Variants in ADGRL1 observed in about 807,000 individuals in gnomAD.
ADGRL1 encodes the protein CIRL-1.
ADGRL1 carries 31 observed loss-of-function variants against 148.9 expected under a neutral mutation model. That is an observed-to-expected ratio of 0.21 (90% confidence interval 0.16 to 0.28). The LOEUF (loss-of-function observed/expected upper bound fraction) is 0.28, where lower values mean the gene tolerates loss of function less well. ADGRL1 is among the 10% of genes least tolerant of loss of function. The pLI is 1.00. For synonymous variants in ADGRL1, 937 were observed against 900.3 expected, an observed-to-expected ratio of 1.04 and a Z score of -0.73; for missense variants, 1,521 against 2,058.8, an observed-to-expected ratio of 0.74 and a Z score of 5.05.
chr19:14,191,824 T>C (rs986082288), intron 1 of ADGRL1, among the ~76,000 whole-genome samples: 1 of 151,800 alleles, frequency 6.6e-6, no homozygotes, highest in Non-Finnish European at 1.5e-5. Context: ...GCCTCCTGAG[T>C]AGCTGGGGCT....
At position 14,163,306 on chromosome 19, in the gene ADGRL1, C is replaced by T. The variant is rs765071934; in HGVS notation, c.495G>A (p.Ala165=). 4.3e-6 allele frequency: 7 copies of T among 1,613,450 alleles called. No individual in the cohort carries two copies. The highest frequency in any genetic ancestry group is 4.2e-6 in the Non-Finnish European group (5 of 1,179,954). The change falls in exon 5 of 23, where the codon GCG becomes GCA. Residue 165 remains alanine (A), a synonymous_variant. Coordinates refer to ENST00000361434, the MANE Select transcript of ADGRL1 (RefSeq NM_014921.5). ...SGAWCKDPLQ[A]GDRIYVMPWI... Reference sequence around the variant, plus strand: ...AGGGCATCACGTAGATGCGGTCACCCGCCTGCAGCGGGTCCTTGCACCATG... The same window carrying T: ...AGGGCATCACGTAGATGCGGTCACCTGCCTGCAGCGGGTCCTTGCACCATG...
chr19:14,166,269 G>C (rs1378928619), intron 4 of ADGRL1, among the ~76,000 whole-genome samples: 5 of 146,626 alleles, frequency 3.4e-5, no homozygotes, highest in South Asian at 2.1e-4. Flanking sequence ...TTTTTTGGCA[G>C]GCTGCCCCCT....
At chr19:14,158,692 C>G in intron 11 of ADGRL1, 140 bp from the exon 12 acceptor site, 1 of 676,174 alleles carries the variant, frequency 1.5e-6, no homozygotes, top group Non-Finnish European at 2.5e-6. Flanking sequence ...AGTCCATAGC[C>G]CAGGCAGGTG....
chr19:14,201,277 G>A (rs2145178122), intron 1 of ADGRL1, among the ~76,000 whole-genome samples: 2 of 148,206 alleles, frequency 1.3e-5, no homozygotes, highest in African/African-American at 5.0e-5. Flanking sequence ...CTGAGGGAGG[G>A]GCACTGGCTA....
At chr19:14,169,156 T>C (rs1599447324) in intron 4 of ADGRL1, 1 of 152,384 alleles carries the variant, frequency 6.6e-6, no homozygotes, top group South Asian at 2.1e-4. Context: ...GTCTGGGCGC[T>C]GGGGCGGCGG....
rs1417842131 is a variant in ADGRL1, at chr19:14,155,111, TCTG to T, written c.3294+245_3294+247del. 1.5e-5 allele frequency: 5 copies of T among 324,268 alleles called. No individual in the cohort carries two copies. Among genetic ancestry groups the T allele is most frequent in the Non-Finnish European group, 2.9e-5 (5 of 172,396 alleles). 20.1% of individuals were successfully genotyped at this position (324,268 alleles called of 1,614,324 possible). ...GAGGGTTCCCCATTACCAAATCTGT[TCTG>T]CTCTCACTCCTCTAAGTTGCTGTAT... On this transcript the variant is annotated intron_variant, in intron 18 of 22. Coordinates refer to ENST00000361434, the MANE Select transcript of ADGRL1 (RefSeq NM_014921.5). This position sits in a 1 kb window ranked among gnomAD's most constrained non-coding sequence, Gnocchi z 5.0.
Position 14,170,747 on chromosome 19 carries a change from G to A in ADGRL1, c.329C>T (p.Ala110Val). Residue 110 changes from alanine (A) to valine (V), a missense_variant, in exon 4 of 23, where the codon GCC becomes GTC. This residue lies in a region of ADGRL1 where 334 missense variants were observed against 512.5 expected (regional missense o/e 0.65). Transcript: ENST00000361434. The part of the protein sequence containing the change: ...TQCVVVAGSD[A>V]FPDPCPGTYK... ...GGTCCCAGGACAGGGGTCAGGAAAG[G>A]CATCCGAGCCGGCGACCACCACGCA... The A allele has an allele frequency of 6.2e-7, 1 of 1,612,704 alleles. No individual in the cohort carries two copies. Among genetic ancestry groups the A allele is most frequent in the African/African-American group, 1.3e-5 (1 of 74,852 alleles).
chr19:14,151,148 G>A lies in ADGRL1; in HGVS notation c.4135C>T (p.Leu1379Phe), dbSNP rs751270255. 13 of 1,602,356 alleles carry A rather than the reference G, an allele frequency of 8.1e-6. No homozygotes were observed. The South Asian group carries it at 1.3e-4, about 17-fold the overall frequency. Residue 1379 changes from leucine (L) to phenylalanine (F), a missense_variant, in exon 23 of 23, where the codon CTC (leucine) becomes TTC (phenylalanine). Leu to Phe is a conservative substitution (Grantham distance 22). Around this residue, in one of 8 missense-constraint regions of ADGRL1, gnomAD observed 390 missense variants for 375.0 expected, o/e 1.04. Transcript: ENST00000361434. ...CGCAGGTTGGCCCCGCTGGCATAGAGGGAGTCCCGGCCAGGAGGGGAGGAG... is the reference window on the plus strand; with the variant it reads ...CGCAGGTTGGCCCCGCTGGCATAGAAGGAGTCCCGGCCAGGAGGGGAGGAG... ...PLSSPPGRDS[L>F]YASGANLRDS...
At chr19:14,194,465 C>T (rs111727767) in intron 1 of ADGRL1, among the ~76,000 whole-genome samples, 11,922 of 152,316 alleles carry the variant, frequency 0.078, 623 homozygotes, top group Non-Finnish European at 0.12. Flanking sequence ...GGGACAGTGA[C>T]GGACAGCTCC....
chr19:14,163,481 AGAGAG>A, intron 4 of ADGRL1, 75 bp from the exon 5 acceptor site: 2 of 1,082,700 alleles, frequency 1.8e-6, no homozygotes, highest in Non-Finnish European at 2.6e-6. Flanking sequence ...AGAGAGAGAG[AGAGAG>A]AGAGAGAGAG....
Position 14,152,931 on chromosome 19 carries a change from T to A in ADGRL1, c.3295-19A>T, listed in dbSNP as rs776699260. On this transcript the variant is annotated intron_variant, in intron 18 of 22. Coordinates refer to ENST00000361434, the MANE Select transcript of ADGRL1 (RefSeq NM_014921.5). The surrounding 1 kb of genome is among the most constrained non-coding windows in gnomAD (Gnocchi z 6.1). The stretch of plus-strand genomic sequence containing the variant: ...TGTGCACCTGGGAGGTGGAGGACAG[T>A]CAGCTGGCTGGGACACTGGCCTCCT... 2 of 1,612,356 alleles carry A rather than the reference T, an allele frequency of 1.2e-6. No individual in the cohort carries two copies. Among genetic ancestry groups the A allele is most frequent in the African/African-American group, 2.7e-5 (2 of 74,882 alleles).
chr19:14,170,520 T>C (rs955448673), intron 4 of ADGRL1, 162 bp downstream of exon 4: 1 of 565,176 alleles, frequency 1.8e-6, no homozygotes, highest in Non-Finnish European at 3.2e-6. Context: ...TGGACACTGG[T>C]GTCTGGGATT....
intron 1 of ADGRL1, among the ~76,000 whole-genome samples, chr19:14,203,771 C>A (rs1259138855): frequency 6.6e-6 from 1 of 152,186 alleles, no homozygotes; most frequent in African/African-American, 2.4e-5. Flanking sequence ...CAAGCCTGGG[C>A]GCCAGCTACA....
Position 14,156,201 on chromosome 19 carries a change from C to T in ADGRL1, c.3034G>A (p.Val1012Ile). 6.2e-7 allele frequency: 1 copy of T among 1,611,296 alleles called. No individual in the cohort carries two copies. Among genetic ancestry groups the T allele is most frequent in the Non-Finnish European group, 8.5e-7 (1 of 1,179,154 alleles). Residue 1012 changes from valine (V) to isoleucine (I), a missense_variant and splice_region_variant, in exon 17 of 23, where the codon GTC (valine) becomes ATC (isoleucine). Val to Ile is a conservative substitution (Grantham distance 29). Transcript: ENST00000361434. ...FIGPVSFVIV[V>I]NLVFLMVTLH... is the part of the protein sequence containing the mutation. The stretch of plus-strand genomic sequence containing the variant: ...GTCACCATGAGGAACACCAGGTTGA[C>T]CTGGGGGCGGGACAAGGGGCAGGCT...
intron 1 of ADGRL1, among the ~76,000 whole-genome samples, chr19:14,201,249 G>A (rs1371167798): frequency 1.3e-5 from 2 of 149,920 alleles, no homozygotes; most frequent in Non-Finnish European, 3.0e-5. Context: ...TTTGTGACCT[G>A]CAGGGTATTT....
Position 14,160,696 on chromosome 19 carries a change from C to A in ADGRL1, c.1511G>T (p.Gly504Val). 6.3e-7 allele frequency: 1 copy of A among 1,586,820 alleles called. No individual in the cohort carries two copies. Among genetic ancestry groups the A allele is most frequent in the African/African-American group, 1.3e-5 (1 of 74,506 alleles). ...VERPCPKGTRGIASFQCLPAL... is the reference protein window; with the variant it reads ...VERPCPKGTRVIASFQCLPAL... ...TGGTAGACACTGGAAGGAGGCAATT[C>A]CTGCAGGGACAGACAGACAGGAACA... is the stretch of plus-strand genomic sequence containing the variant. Residue 504 changes from glycine to valine, a missense_variant and splice_region_variant, in exon 7 of 23, where the codon GGA (glycine) becomes GTA (valine). By Grantham distance (109) the Gly-to-Val change is moderately radical (BLOSUM62 -3). Coordinates refer to ENST00000361434, the MANE Select transcript of ADGRL1 (RefSeq NM_014921.5). The surrounding 1 kb of genome is among the most constrained non-coding windows in gnomAD (Gnocchi z 5.9).
At chr19:14,183,212 A>AGCGAGAGAGAGAGAGAGC (rs1555790225) in intron 2 of ADGRL1, among the ~76,000 whole-genome samples, 1 of 151,050 alleles carries the variant, frequency 6.6e-6, no homozygotes, top group Non-Finnish European at 1.5e-5. Context: ...AGAGAGAGAG[A>AGCGAGAGAGAGAGAGAGC]GAGAGCGAGA....
intron 2 of ADGRL1, 152 bp downstream of exon 2, chr19:14,183,381 A>G: frequency 1.5e-6 from 1 of 674,822 alleles, no homozygotes; most frequent in Non-Finnish European, 2.5e-6. Flanking sequence ...GTTACCCCTG[A>G]GTCTTCCACT....
rs759320390 is a variant in ADGRL1, at chr19:14,156,158, C to T, written c.3077G>A (p.Arg1026Gln). 9.9e-6 allele frequency: 16 copies of T among 1,612,520 alleles called. No homozygotes were observed. Among genetic ancestry groups the T allele is most frequent in the Non-Finnish European group, 1.3e-5 (15 of 1,179,700 alleles). ...GTCGGGCTTGAGCACAGATGAGCTT[C>T]GGATCATCTTGTGCAGGGTCACCAT... Reference protein sequence around the residue: ...FLMVTLHKMIRSSSVLKPDSS... With the variant: ...FLMVTLHKMIQSSSVLKPDSS... Residue 1026 changes from arginine (R) to glutamine (Q), a missense_variant, in exon 17 of 23, where the codon CGA becomes CAA. Arg to Gln is a conservative substitution (Grantham distance 43). This residue lies in a region of ADGRL1 where 185 missense variants were observed against 251.7 expected (regional missense o/e 0.74). Transcript: ENST00000361434.
Sources: allele counts gnomAD v4.1 joint callset (sites outside exome capture counted in the v4.1 genomes callset), GRCh38; gene constraint gnomAD v4.1.1; regional missense constraint gnomAD v4.1.1; non-coding constraint Gnocchi (gnomAD v3.1); transcripts MANE v1.5; gene names NCBI Gene and HGNC (gene_info 2026-07-23, HGNC 2026-07-21).